Variants in TMEM132B observed in about 807,000 individuals in gnomAD.
TMEM132B encodes the protein transmembrane protein 132B.
A neutral mutation model predicts 90.8 loss-of-function variants in TMEM132B; 18 were observed. The observed-to-expected ratio is 0.20, with a 90% CI of 0.14 to 0.29. The LOEUF (loss-of-function observed/expected upper bound fraction) is 0.29, where lower values mean the gene tolerates loss of function less well. Ranked by LOEUF, TMEM132B falls within the 10% of genes least tolerant of loss-of-function variation. The pLI is 1.00. For missense variants in TMEM132B, 1,096 were observed against 1,326.8 expected, an observed-to-expected ratio of 0.83 and a Z score of 2.70; for synonymous variants, 504 against 523.3, an observed-to-expected ratio of 0.96 and a Z score of 0.50.
intron 4 of TMEM132B, among the ~76,000 whole-genome samples, chr12:125,535,667 A>G (rs1297045287): frequency 2.0e-5 from 3 of 152,234 alleles, no homozygotes; most frequent in African/African-American, 7.2e-5. Flanking sequence ...AAGCTGCTGG[A>G]TTCTTTTCTG....
chr12:125,372,435 T>G (rs1394719132), intron 2 of TMEM132B, among the ~76,000 whole-genome samples: 1 of 152,202 alleles, frequency 6.6e-6, no homozygotes, highest in African/African-American at 2.4e-5. Flanking sequence ...ATAAATATAT[T>G]GGCGGTTTTC....
intron 1 of TMEM132B, among the ~76,000 whole-genome samples, chr12:125,222,500 A>T (rs549704118): frequency 1.3e-5 from 2 of 152,322 alleles, no homozygotes; most frequent in South Asian, 4.1e-4. Context: ...GGGACTCCAT[A>T]CAGCAATATG....
chr12:125,652,365 G>T, intron 7 of TMEM132B, 76 bp from the exon 8 acceptor site: 23 of 1,413,422 alleles, frequency 1.6e-5, no homozygotes, highest in Non-Finnish European at 1.6e-5. Flanking sequence ...AGAGCACTTT[G>T]TTGGGAGCCC....
At position 125,382,174 on chromosome 12, in the gene TMEM132B, G is replaced by T. The variant is rs115482158; in HGVS notation, c.959+31831G>T. 8.5e-3 allele frequency among the ~76,000 whole-genome samples: 1,291 copies of T among 152,274 alleles called. 28 individuals are homozygous for T. The highest frequency in any genetic ancestry group is 0.03 in the African/African-American group (1,233 of 41,538). ...TTGGCATTTTAGGTTACTATCACAT[G>T]ATTTTATGTCAAATATAAATCATTT... is the stretch of plus-strand genomic sequence containing the variant. On this transcript the variant is annotated intron_variant, in intron 2 of 8. Transcript: ENST00000682704.
At chr12:125,340,016 A>G (rs1353879662) in intron 1 of TMEM132B, among the ~76,000 whole-genome samples, 1 of 152,244 alleles carries the variant, frequency 6.6e-6, no homozygotes, top group Non-Finnish European at 1.5e-5. Context: ...AAGAAGTTAA[A>G]TAAGTAAATC....
intron 4 of TMEM132B, among the ~76,000 whole-genome samples, chr12:125,533,571 T>C (rs1883706452): frequency 1.3e-5 from 2 of 152,236 alleles, no homozygotes; most frequent in Non-Finnish European, 2.9e-5. Flanking sequence ...GGCATTTTGA[T>C]TGGCATCCGC....
In TMEM132B at chr12:125,186,704, C is replaced by T. The variant is rs1298735965; in HGVS notation, c.-96C>T. Reference sequence around the variant, plus strand: ...CTGGGAGCGAGCCATGCCCGGCGCCCGGGCGTAGCCGCCGGGGGCTGCTCC... The same window carrying T: ...CTGGGAGCGAGCCATGCCCGGCGCCTGGGCGTAGCCGCCGGGGGCTGCTCC... On this transcript the variant is annotated 5_prime_UTR_variant, in exon 1 of 9. Transcript: ENST00000682704. This position sits in a 1 kb window ranked among gnomAD's most constrained non-coding sequence, Gnocchi z 6.3. 1.4e-5 allele frequency: 2 copies of T among 145,784 alleles called. No individual in the cohort carries two copies. Among genetic ancestry groups the T allele is most frequent in the African/African-American group, 4.9e-5 (2 of 40,700 alleles). The allele number at this position is 145,784 out of a possible 1,614,324, so 9.0% of individuals were successfully genotyped here.
intron 1 of TMEM132B, among the ~76,000 whole-genome samples, chr12:125,348,464 A>G (rs962617002): frequency 6.6e-6 from 1 of 150,628 alleles, no homozygotes; most frequent in African/African-American, 2.4e-5. Context: ...AGTTGGGACT[A>G]CAGGCACATG....
chr12:125,651,556 T>G (rs946867763), intron 7 of TMEM132B, among the ~76,000 whole-genome samples: 3 of 152,240 alleles, frequency 2.0e-5, no homozygotes, highest in African/African-American at 7.2e-5. Context: ...CAAAGCTATA[T>G]TTTTGGCAAA....
At chr12:125,520,744 C>T (rs1223439408) in intron 4 of TMEM132B, among the ~76,000 whole-genome samples, 1 of 152,206 alleles carries the variant, frequency 6.6e-6, no homozygotes, top group Non-Finnish European at 1.5e-5. Flanking sequence ...TTCTGTCTTC[C>T]TCCCCAGAAG....
intron 3 of TMEM132B, among the ~76,000 whole-genome samples, chr12:125,486,836 G>A (rs1006321579): frequency 1.3e-5 from 2 of 152,188 alleles, no homozygotes; most frequent in African/African-American, 4.8e-5. Flanking sequence ...CCTTTTGGTA[G>A]AGCCATTGTT....
chr12:125,608,284 G>A (rs1268079214), intron 5 of TMEM132B, among the ~76,000 whole-genome samples: 1 of 152,108 alleles, frequency 6.6e-6, no homozygotes, highest in African/African-American at 2.4e-5. Flanking sequence ...ATTCCAGTCT[G>A]TGTCAAGGGG....
intron 1 of TMEM132B, among the ~76,000 whole-genome samples, chr12:125,336,684 C>T (rs982538): frequency 0.019 from 2,950 of 152,318 alleles, 193 homozygotes; most frequent in Admixed American, 0.14. Flanking sequence ...TGGGTTACCT[C>T]ATGGTGTGTC....
At chr12:125,235,421 A>T (rs996407816) in intron 1 of TMEM132B, among the ~76,000 whole-genome samples, 10 of 150,172 alleles carry the variant, frequency 6.7e-5, no homozygotes, top group African/African-American at 2.4e-4. Flanking sequence ...CTGTGGGCCC[A>T]TGGAGGCTCT....
rs566028299 is a variant in TMEM132B, at chr12:125,243,840, T to C, written c.67+56974T>C. On this transcript the variant is annotated intron_variant, in intron 1 of 8. Coordinates refer to ENST00000682704, the MANE Select transcript of TMEM132B (RefSeq NM_001366854.1). Reference sequence around the variant, plus strand: ...TTCTGTTTCTGCAGACCTGAACGAATGCAGACCTGCAAATGTAGCCACAGC... The same window carrying C: ...TTCTGTTTCTGCAGACCTGAACGAACGCAGACCTGCAAATGTAGCCACAGC... Among the ~76,000 whole-genome samples the C allele has an allele frequency of 4.6e-5, 7 of 152,338 alleles. No homozygotes were observed. In the South Asian group the frequency reaches 1.5e-3, roughly 32 times the overall value.
chr12:125,469,594 T>C (rs1019622030), intron 3 of TMEM132B, among the ~76,000 whole-genome samples: 4 of 152,058 alleles, frequency 2.6e-5, no homozygotes, highest in African/African-American at 9.7e-5. Flanking sequence ...TCACATGAGG[T>C]CACACGAGGC....
At chr12:125,189,208 A>G (rs916949465) in intron 1 of TMEM132B, among the ~76,000 whole-genome samples, 3 of 152,230 alleles carry the variant, frequency 2.0e-5, no homozygotes, top group African/African-American at 4.8e-5. Flanking sequence ...ACTTGGTAAG[A>G]GTCAGCACAA....
intron 5 of TMEM132B, among the ~76,000 whole-genome samples, chr12:125,599,281 C>A (rs1242008112): frequency 6.6e-6 from 1 of 152,228 alleles, no homozygotes; most frequent in Non-Finnish European, 1.5e-5. Context: ...GCTCCTTCTT[C>A]ACCTTCTGCC....
intron 1 of TMEM132B, among the ~76,000 whole-genome samples, chr12:125,286,463 A>C (rs1222460078): frequency 6.6e-6 from 1 of 152,256 alleles, no homozygotes; most frequent in Non-Finnish European, 1.5e-5. Flanking sequence ...CTGGTGAAGT[A>C]TTTGGCAGGA....
Sources: gnomAD v4.1 joint callset for allele counts (sites outside exome capture counted in the v4.1 genomes callset) on GRCh38, gnomAD v4.1.1 for gene constraint, Gnocchi (gnomAD v3.1) non-coding constraint, MANE v1.5 for transcripts, NCBI Gene and HGNC (gene_info 2026-07-23, HGNC 2026-07-21) for gene names.